SIPA1L3: variants seen among roughly 807,000 people sequenced by gnomAD.
SIPA1L3 encodes the protein signal induced proliferation associated 1 like 3, also known as signal-induced proliferation-associated 1-like protein 3.
In SIPA1L3, 59 loss-of-function variants were observed where a neutral mutation model predicts 150.1. That is an observed-to-expected ratio of 0.39 (90% confidence interval 0.32 to 0.49). The LOEUF is 0.49. Ranked by LOEUF, SIPA1L3 falls within the 20% of genes least tolerant of loss-of-function variation. SIPA1L3 has a pLI of 0.86. For missense variants in SIPA1L3, 2,211 were observed against 2,489.5 expected (o/e 0.89, Z 2.38); for synonymous variants, 1,070 against 1,077.6 (o/e 0.99, Z 0.14).
intron 15 of SIPA1L3, among the ~76,000 whole-genome samples, chr19:38,165,146 T>C (rs1369583308): frequency 6.6e-6 from 1 of 152,202 alleles, no homozygotes; most frequent in Non-Finnish European, 1.5e-5. Flanking sequence ...TGTTTTCATC[T>C]GTCTCTGGTT....
chr19:38,007,377 C>T (rs772899113), intron 1 of SIPA1L3, among the ~76,000 whole-genome samples: 14 of 150,148 alleles, frequency 9.3e-5, no homozygotes, highest in Non-Finnish European at 1.6e-4. Flanking sequence ...GGCGTGAACC[C>T]GGGAGGCGGA....
chr19:37,928,812 C>A (rs1167715160), intron 1 of SIPA1L3, among the ~76,000 whole-genome samples: 2 of 152,176 alleles, frequency 1.3e-5, no homozygotes, highest in African/African-American at 4.8e-5. Flanking sequence ...TTTATGATCT[C>A]ATATAACAAA....
In SIPA1L3 at chr19:37,923,459, CAT is replaced by C. The variant is rs1430236719; in HGVS notation, c.-379+16103_-379+16104del. On this transcript the variant is annotated intron_variant, in intron 1 of 21. Transcript: ENST00000222345. ...AATGGCAAGTATTTGTGTATCTAAA[CAT>C]AGAAAAGGTACAGTAAAAATATGAT... Among the ~76,000 whole-genome samples, 5 of 152,248 alleles carry C rather than the reference CAT, an allele frequency of 3.3e-5. No individual in the cohort carries two copies. The East Asian group carries it at 7.7e-4, about 23-fold the overall frequency.
chr19:38,106,487 A>G (rs1034543959), intron 6 of SIPA1L3, 50 bp from the exon 7 acceptor site: 2 of 1,316,454 alleles, frequency 1.5e-6, no homozygotes, highest in African/African-American at 1.4e-5. Flanking sequence ...GGATATGGCA[A>G]AAACCCAGAG....
intron 1 of SIPA1L3, among the ~76,000 whole-genome samples, chr19:38,020,807 T>G (rs1281158250): frequency 6.6e-6 from 1 of 150,984 alleles, no homozygotes; most frequent in Non-Finnish European, 1.5e-5. Context: ...GAGTTTTTTT[T>G]GTTTTTTTTT....
intron 1 of SIPA1L3, among the ~76,000 whole-genome samples, chr19:37,928,200 G>C (rs1028189487): frequency 1.3e-5 from 2 of 152,118 alleles, no homozygotes; most frequent in Non-Finnish European, 2.9e-5. Context: ...GCATGGTGAC[G>C]TGATTTGGAT....
At chr19:38,063,134 G>A (rs774330801) in intron 2 of SIPA1L3, among the ~76,000 whole-genome samples, 57 of 152,200 alleles carry the variant, frequency 3.7e-4, no homozygotes, top group Admixed American at 2.0e-4. Context: ...CTGGCTCCCC[G>A]ACAGCCCTGG....
At chr19:37,952,954 G>A (rs576663166) in intron 1 of SIPA1L3, among the ~76,000 whole-genome samples, 11 of 151,812 alleles carry the variant, frequency 7.2e-5, no homozygotes, top group Non-Finnish European at 1.2e-4. Context: ...ATTCTTGGCC[G>A]GGCACGGTGG....
At chr19:38,073,908 A>G (rs775460518) in intron 2 of SIPA1L3, among the ~76,000 whole-genome samples, 1 of 152,172 alleles carries the variant, frequency 6.6e-6, no homozygotes, top group Non-Finnish European at 1.5e-5. Context: ...AAGGGGAAGC[A>G]CTTCTGCCAA....
rs190109069 is a variant in SIPA1L3 at position 37,956,300 on chromosome 19, C to T, written c.-379+48942C>T. ...TCTTTTTATGTGCTTATTGGCCATT[C>T]GTGTATCTTCTTTGGTGAAATATGT... On this transcript the variant is annotated intron_variant, in intron 1 of 21. Transcript: ENST00000222345. Among the ~76,000 whole-genome samples the T allele has an allele frequency of 3.6e-4, 55 of 152,124 alleles. 1 individual carries two copies. The highest frequency in any genetic ancestry group is 7.1e-4 in the Non-Finnish European group (48 of 67,996).
At position 38,191,628 on chromosome 19, in the gene SIPA1L3, C is replaced by T. The variant is rs147384573; in HGVS notation, c.4431-517C>T. ...AGGAGTTCAAGACCAGCCTGGCCAA[C>T]ATGGAGAAACCCTGTCTCTACTAAA... On this transcript the variant is annotated intron_variant, in intron 16 of 21. Coordinates refer to ENST00000222345, the MANE Select transcript of SIPA1L3 (RefSeq NM_015073.3). Among the ~76,000 whole-genome samples the T allele has an allele frequency of 4.4e-3, 671 of 152,058 alleles. 6 individuals carry two copies. The highest frequency in any genetic ancestry group is 0.015 in the African/African-American group (634 of 41,470).
chr19:37,925,894 T>C (rs1349306814), intron 1 of SIPA1L3, among the ~76,000 whole-genome samples: 1 of 152,084 alleles, frequency 6.6e-6, no homozygotes, highest in Non-Finnish European at 1.5e-5. Flanking sequence ...GCCCGGCCGA[T>C]TTATTACACT....
chr19:38,088,226 C>T (rs180841887), intron 3 of SIPA1L3, among the ~76,000 whole-genome samples: 110 of 152,370 alleles, frequency 7.2e-4, no homozygotes, highest in African/African-American at 2.5e-3. Context: ...TATCTAGCGA[C>T]TTGGCTGGGG....
chr19:37,997,026 G>A (rs865912944), intron 1 of SIPA1L3, among the ~76,000 whole-genome samples: 1 of 152,114 alleles, frequency 6.6e-6, no homozygotes, highest in Middle Eastern at 3.4e-3. Flanking sequence ...CTAGCCCCAG[G>A]GAATATTCCA....
rs776809871 is a variant in SIPA1L3, at chr19:38,119,370, T to C, written c.2356T>C (p.Phe786Leu). 1.2e-6 allele frequency: 2 copies of C among 1,614,162 alleles called. No homozygotes were observed. Among genetic ancestry groups the C allele is most frequent in the South Asian group, 2.2e-5 (2 of 91,076 alleles). ...FGPPIPSGTT[F>L]RKSDVFRDFL... ...CCCCCCCATCCCCAGTGGAACCACATTCCGCAAATCCGACGTCTTCAGAGA... is the reference window on the plus strand; with the variant it reads ...CCCCCCCATCCCCAGTGGAACCACACTCCGCAAATCCGACGTCTTCAGAGA... The change falls in exon 9 of 22, where the codon TTC (phenylalanine) becomes CTC (leucine). Residue 786 changes from phenylalanine (F) to leucine (L), a missense_variant. Physicochemically the swap from Phe to Leu is conservative, Grantham distance 22 (BLOSUM62 0). Coordinates refer to ENST00000222345, the MANE Select transcript of SIPA1L3 (RefSeq NM_015073.3).
intron 1 of SIPA1L3, among the ~76,000 whole-genome samples, chr19:37,980,769 A>G (rs1373648936): frequency 6.6e-6 from 1 of 152,194 alleles, no homozygotes. Flanking sequence ...CTTGGCCGTC[A>G]TTCCATATGA....
chr19:38,130,768 C>T lies in SIPA1L3; in HGVS notation c.3139C>T (p.Arg1047Trp), dbSNP rs374651861. 1.2e-5 allele frequency: 20 copies of T among 1,601,196 alleles called. No homozygotes were observed. Among genetic ancestry groups the T allele is most frequent in the African/African-American group, 4.0e-5 (3 of 74,780 alleles). The change falls in exon 10 of 22, where the codon CGG (arginine) becomes TGG (tryptophan). Residue 1047 changes from arginine (R) to tryptophan (W), a missense_variant. Physicochemically the swap from Arg to Trp is moderately radical, Grantham distance 101. Around this residue, in one of 5 missense-constraint regions of SIPA1L3, gnomAD observed 625 missense variants for 804.2 expected, o/e 0.78. Transcript: ENST00000222345. ...CCCGCCTTTTGAGGACGGCACTCCCCGGAGGTAAGGGCCTCCACCTTTCAG... is the reference window on the plus strand; with the variant it reads ...CCCGCCTTTTGAGGACGGCACTCCCTGGAGGTAAGGGCCTCCACCTTTCAG... ...IIPPFEDGTP[R>W]RGWPETYDMN... is the part of the protein sequence containing the mutation.
intron 6 of SIPA1L3, among the ~76,000 whole-genome samples, chr19:38,104,189 TAGAGAG>T (rs1215438617): frequency 6.6e-6 from 1 of 152,180 alleles, no homozygotes; most frequent in African/African-American, 2.4e-5. Context: ...AGACAAATCT[TAGAGAG>T]AGAAGTGAGG....
intron 11 of SIPA1L3, 66 bp from the exon 12 acceptor site, chr19:38,142,507 A>G (rs1568573345): frequency 2.6e-6 from 4 of 1,513,326 alleles, no homozygotes; most frequent in Middle Eastern, 1.8e-4. Flanking sequence ...CTGTCCGTCC[A>G]TCCTCCCAGG....
Sources: allele counts gnomAD v4.1 joint callset (sites outside exome capture counted in the v4.1 genomes callset), GRCh38; gene constraint gnomAD v4.1.1; regional missense constraint gnomAD v4.1.1; transcripts MANE v1.5; gene names NCBI Gene and HGNC (gene_info 2026-07-23, HGNC 2026-07-21).